Variants in ATG2B observed in about 807,000 individuals in gnomAD.
ATG2B encodes autophagy-related protein 2 homolog B.
In ATG2B, 121 loss-of-function variants were observed where a neutral mutation model predicts 241.3. The observed-to-expected ratio is 0.50, with a 90% confidence interval of 0.43 to 0.58. The LOEUF is 0.58. Ranked by LOEUF, ATG2B falls within the 20% of genes least tolerant of loss-of-function variation. The pLI, the probability that ATG2B is intolerant of heterozygous loss-of-function variation, is 0.00. For missense variants in ATG2B, 2,306 were observed against 2,491.6 expected (o/e 0.93, Z 1.59); for synonymous variants, 858 against 876.6 (o/e 0.98, Z 0.37).
At chr14:96,308,653 C>A (rs973518118) in intron 29 of ATG2B, among the ~76,000 whole-genome samples, 14 of 151,882 alleles carry the variant, frequency 9.2e-5, no homozygotes, top group Admixed American at 3.9e-4. Flanking sequence ...ACTAAAAGCC[C>A]CAGTTTGCTT....
chr14:96,311,034 C>T, intron 28 of ATG2B, 83 bp downstream of exon 28: 3 of 1,261,482 alleles, frequency 2.4e-6, no homozygotes, highest in South Asian at 2.0e-5. Context: ...TTCTTTTCTA[C>T]CTTATGACTG....
At chr14:96,342,486 C>G (rs1367993137) in intron 5 of ATG2B, among the ~76,000 whole-genome samples, 1 of 152,114 alleles carries the variant, frequency 6.6e-6, no homozygotes, top group Admixed American at 6.5e-5. Context: ...CTTTGGGAGG[C>G]TGAGGCAGGT....
chr14:96,332,432 C>T (rs776196287), intron 9 of ATG2B, 22 bp from the exon 10 acceptor site: 2 of 1,612,720 alleles, frequency 1.2e-6, no homozygotes, highest in South Asian at 1.1e-5. Context: ...TTTTTTTAAG[C>T]ACATGAATGA....
chr14:96,338,606 G>A (rs971872136), intron 6 of ATG2B, among the ~76,000 whole-genome samples: 1 of 151,974 alleles, frequency 6.6e-6, no homozygotes, highest in Non-Finnish European at 1.5e-5. Flanking sequence ...AAAGAACCTG[G>A]ATCCTCATCT....
intron 12 of ATG2B, among the ~76,000 whole-genome samples, chr14:96,329,048 G>A (rs1566727337): frequency 6.6e-6 from 1 of 152,198 alleles, no homozygotes; most frequent in African/African-American, 2.4e-5. Flanking sequence ...AACTTTGACA[G>A]TTTTCTAAAG....
intron 10 of ATG2B, among the ~76,000 whole-genome samples, chr14:96,332,036 T>G (rs1887750430): frequency 6.6e-6 from 1 of 152,112 alleles, no homozygotes; most frequent in Non-Finnish European, 1.5e-5. Flanking sequence ...CATGATTGAC[T>G]GAGGGTCCTG....
Position 96,357,587 on chromosome 14 carries a change from C to T in ATG2B, c.162+5228G>A, listed in dbSNP as rs573275739. Among the ~76,000 whole-genome samples, 313 of 152,266 alleles carry T rather than the reference C, an allele frequency of 2.1e-3. 2 individuals carry two copies. Among genetic ancestry groups the T allele is most frequent in the Non-Finnish European group, 3.0e-3 (204 of 68,018 alleles). On this transcript the variant is annotated intron_variant, in intron 1 of 41. Transcript: ENST00000359933. ...CTCCAGACAGTGGAGAAAACCTGCT[C>T]CTTCTCTAGAATTTCCTATTTCACC...
At chr14:96,311,837 T>C (rs1887167095) in intron 26 of ATG2B, among the ~76,000 whole-genome samples, 1 of 152,188 alleles carries the variant, frequency 6.6e-6, no homozygotes, top group Non-Finnish European at 1.5e-5. Flanking sequence ...TTGTAGTATA[T>C]ATAGTAATTT....
intron 1 of ATG2B, among the ~76,000 whole-genome samples, chr14:96,359,166 G>T (rs985242634): frequency 2.0e-5 from 3 of 152,048 alleles, no homozygotes; most frequent in Non-Finnish European, 4.4e-5. Flanking sequence ...GAGTCCAGGA[G>T]TTCAAGACCA....
Position 96,334,507 on chromosome 14 carries a change from G to T in ATG2B, c.925-6C>A. 1 of 1,539,534 alleles carries T rather than the reference G, an allele frequency of 6.5e-7. No individual in the cohort carries two copies. Among genetic ancestry groups the T allele is most frequent in the South Asian group, 1.2e-5 (1 of 83,380 alleles). ...ATCTGTCCATCAACATCCAACTTAA[G>T]GGAAAAAAAAAAACTATTCATGAGG... is the stretch of plus-strand genomic sequence containing the variant. On this transcript the variant is annotated splice_region_variant and splice_polypyrimidine_tract_variant and intron_variant, in intron 6 of 41. Transcript: ENST00000359933.
intron 20 of ATG2B, 82 bp from the exon 21 acceptor site, chr14:96,316,765 A>G: frequency 7.9e-7 from 1 of 1,270,148 alleles, no homozygotes; most frequent in Non-Finnish European, 1.1e-6. Flanking sequence ...CTCTTTGTTG[A>G]TTCAGCTTAG....
Position 96,289,651 on chromosome 14 carries a change from G to A in ATG2B, c.6006+5C>T, listed in dbSNP as rs2139835266. The A allele has an allele frequency of 6.2e-7, 1 of 1,614,044 alleles. No homozygotes were observed. Among genetic ancestry groups the A allele is most frequent in the Non-Finnish European group, 8.5e-7 (1 of 1,179,960 alleles). ...TCTGATGTGTCCACCCAAGTATTCAGTTACCTCTTTCACAACACTGTAGGC... is the reference window on the plus strand; with the variant it reads ...TCTGATGTGTCCACCCAAGTATTCAATTACCTCTTTCACAACACTGTAGGC... On this transcript the variant is annotated splice_donor_5th_base_variant and intron_variant, in intron 41 of 41. Transcript: ENST00000359933. This position sits in a 1 kb window ranked among gnomAD's most constrained non-coding sequence, Gnocchi z 4.3.
rs1887367988 is a variant in ATG2B at position 96,318,240 on chromosome 14, G to C, written c.2880-385C>G. On this transcript the variant is annotated intron_variant, in intron 18 of 41. Coordinates refer to ENST00000359933, the MANE Select transcript of ATG2B (RefSeq NM_018036.7). ...GAAAAGGAGGACGGCTCACCTATAT[G>C]AGAGCACTTTGTAAACTGGAACTGA... 1.9e-5 allele frequency: 3 copies of C among 156,190 alleles called. No individual in the cohort carries two copies. The South Asian group carries it at 5.9e-4, about 30-fold the overall frequency. 9.7% of individuals were successfully genotyped at this position (156,190 alleles called of 1,614,324 possible).
In ATG2B at chr14:96,289,347, A is replaced by G. The variant is rs1886420184; in HGVS notation, c.6006+309T>C. ...AGCAAATCTGAGGTAAGCAGGGCAGAGTATAAATGTGTTAAACCTAGACAG... is the reference window on the plus strand; with the variant it reads ...AGCAAATCTGAGGTAAGCAGGGCAGGGTATAAATGTGTTAAACCTAGACAG... On this transcript the variant is annotated intron_variant, in intron 41 of 41. Transcript: ENST00000359933. The surrounding 1 kb of genome is among the most constrained non-coding windows in gnomAD (Gnocchi z 4.3). 4.7e-6 allele frequency: 1 copy of G among 212,598 alleles called. No homozygotes were observed. The highest frequency in any genetic ancestry group is 2.3e-5 in the African/African-American group (1 of 43,718). 13.2% of individuals were successfully genotyped at this position (212,598 alleles called of 1,614,324 possible).
intron 36 of ATG2B, 101 bp downstream of exon 36, chr14:96,294,859 A>C: frequency 1.9e-6 from 2 of 1,052,682 alleles, no homozygotes. Context: ...CAGTGCAAAG[A>C]AAAGCTGACG....
chr14:96,304,131 G>A (rs770590013), intron 32 of ATG2B, among the ~76,000 whole-genome samples: 1 of 152,188 alleles, frequency 6.6e-6, no homozygotes, highest in Non-Finnish European at 1.5e-5. Flanking sequence ...GGCTTTCCCA[G>A]ACAGATGCTC....
intron 24 of ATG2B, 47 bp from the exon 25 acceptor site, chr14:96,313,204 GAAACTCTATTAA>G: frequency 6.9e-7 from 1 of 1,452,534 alleles, no homozygotes; most frequent in Non-Finnish European, 9.6e-7. Context: ...TACGGCTCCA[GAAACTCTATTAA>G]AAACAACAAC....
chr14:96,302,241 T>G, intron 33 of ATG2B, 133 bp from the exon 34 acceptor site: 1 of 608,340 alleles, frequency 1.6e-6, no homozygotes, highest in Non-Finnish European at 2.8e-6. Context: ...TTACCCTCTT[T>G]CCTTAAAAGT....
chr14:96,300,976 G>A (rs1412684819), intron 34 of ATG2B, among the ~76,000 whole-genome samples: 3 of 151,984 alleles, frequency 2.0e-5, no homozygotes, highest in East Asian at 1.9e-4. Flanking sequence ...AATTAATAAC[G>A]TCCACCCCAC....
Sources: allele counts gnomAD v4.1 joint callset (sites outside exome capture counted in the v4.1 genomes callset), GRCh38; gene constraint gnomAD v4.1.1; non-coding constraint Gnocchi (gnomAD v3.1); transcripts MANE v1.5; gene names NCBI Gene and HGNC (gene_info 2026-07-23, HGNC 2026-07-21).